ZC3HAV1: variants seen among roughly 807,000 people sequenced by gnomAD.
The protein encoded by ZC3HAV1 is zinc finger CCCH-type antiviral protein 1.
ZC3HAV1 carries 41 observed loss-of-function variants against 86.6 expected under a neutral mutation model. The observed-to-expected ratio is 0.47, with a 90% CI of 0.37 to 0.61. The LOEUF is 0.61. ZC3HAV1 is among the 20% of genes least tolerant of loss of function. ZC3HAV1 has a pLI of 0.00. For synonymous variants in ZC3HAV1, 421 were observed against 432.1 expected, an observed-to-expected ratio of 0.97 and a Z score of 0.32; for missense variants, 964 against 1,141.1, an observed-to-expected ratio of 0.84 and a Z score of 2.24.
At chr7:139,062,661 C>T (rs868312623) in intron 8 of ZC3HAV1, among the ~76,000 whole-genome samples, 20 of 152,346 alleles carry the variant, frequency 1.3e-4, no homozygotes, top group South Asian at 4.1e-4. Flanking sequence ...GCACCCACAA[C>T]AGGAGCCAGT....
chr7:139,066,816 A>C (rs960403495), intron 7 of ZC3HAV1, among the ~76,000 whole-genome samples: 21 of 152,158 alleles, frequency 1.4e-4, no homozygotes, highest in Non-Finnish European at 2.9e-4. Context: ...TCCTGTATGC[A>C]TCCACTGCCT....
rs1222031806 is a variant in ZC3HAV1, at chr7:139,108,847, T to C, written c.308+177A>G. ...GCCGGAAGGAAGGGAACTGCAAAGGTAGAAGCGCGGGCCCTGCAGAGGCTC... is the reference window on the plus strand; with the variant it reads ...GCCGGAAGGAAGGGAACTGCAAAGGCAGAAGCGCGGGCCCTGCAGAGGCTC... On this transcript the variant is annotated intron_variant, in intron 1 of 12. Transcript: ENST00000242351. The surrounding 1 kb of genome is among the most constrained non-coding windows in gnomAD (Gnocchi z 4.2). Among the ~76,000 whole-genome samples, 4 of 152,122 alleles carry C rather than the reference T, an allele frequency of 2.6e-5. No individual in the cohort carries two copies. The highest frequency in any genetic ancestry group is 4.8e-5 in the African/African-American group (2 of 41,438).
rs1205449387 is a variant in ZC3HAV1 at position 139,079,619 on chromosome 7, G to A, written c.1322C>T (p.Ser441Phe). 2 of 1,614,164 alleles carry A rather than the reference G, an allele frequency of 1.2e-6. No homozygotes were observed. Among genetic ancestry groups the A allele is most frequent in the East Asian group, 4.5e-5 (2 of 44,880 alleles). The change falls in exon 4 of 13, where the codon TCT becomes TTT. Residue 441 changes from serine (S) to phenylalanine (F), a missense_variant. Coordinates refer to ENST00000242351, the MANE Select transcript of ZC3HAV1 (RefSeq NM_020119.4). Reference sequence around the variant, plus strand: ...GCTTTTGTAATTTAAGGATCTGGTAGAAGTTATATCTGTGGCCACTCCATC... The same window carrying A: ...GCTTTTGTAATTTAAGGATCTGGTAAAAGTTATATCTGTGGCCACTCCATC... ...NADGVATDITSTRSLNYKSTS... is the reference protein window; with the variant it reads ...NADGVATDITFTRSLNYKSTS...
At position 139,046,731 on chromosome 7, in the gene ZC3HAV1, A is replaced by C. The variant is rs1477120723; in HGVS notation, c.*863T>G. ...CAGCCATGTCTGCAATAGCACTTCA[A>C]TTTTACTTTTTTTTCCCCTAGCATG... is the stretch of plus-strand genomic sequence containing the variant. On this transcript the variant is annotated 3_prime_UTR_variant, in exon 13 of 13. Transcript: ENST00000242351. 1.3e-5 allele frequency: 2 copies of C among 151,500 alleles called. No individual in the cohort carries two copies. Among genetic ancestry groups the C allele is most frequent in the Non-Finnish European group, 1.5e-5 (1 of 68,042 alleles). The allele number at this position is 151,500 out of a possible 1,614,324, so 9.4% of individuals were successfully genotyped here.
intron 12 of ZC3HAV1, among the ~76,000 whole-genome samples, chr7:139,049,155 T>TTGC (rs1816051949): frequency 6.8e-6 from 1 of 146,964 alleles, no homozygotes; most frequent in Non-Finnish European, 1.5e-5. Flanking sequence ...GTTGTTGTTG[T>TTGC]TGTTGCTGCT....
chr7:139,081,322 T>G (rs1307942490), intron 3 of ZC3HAV1, among the ~76,000 whole-genome samples: 1 of 151,886 alleles, frequency 6.6e-6, no homozygotes, highest in African/African-American at 2.4e-5. Flanking sequence ...GAAGAGACAT[T>G]TTTTTTCTCT....
intron 1 of ZC3HAV1, among the ~76,000 whole-genome samples, chr7:139,099,149 CGA>C (rs1563141270): frequency 6.6e-6 from 1 of 151,672 alleles, no homozygotes; most frequent in Non-Finnish European, 1.5e-5. Flanking sequence ...TTGCAGACAC[CGA>C]GAGTCAAATT....
chr7:139,078,580 G>T lies in ZC3HAV1; in HGVS notation c.1545C>A (p.Asp515Glu), dbSNP rs1261015263. ...DDHDSEEICL[D>E]HLCKGCPLNG... Reference sequence around the variant, plus strand: ...TAAGCGGACAACCCTTACACAGATGGTCAAGACAAATTTCCTCTGAGTCAT... The same window carrying T: ...TAAGCGGACAACCCTTACACAGATGTTCAAGACAAATTTCCTCTGAGTCAT... The change falls in exon 5 of 13, where the codon GAC becomes GAA. Residue 515 changes from aspartate (D) to glutamate (E), a missense_variant. Transcript: ENST00000242351. 1.3e-6 allele frequency: 2 copies of T among 1,592,624 alleles called. No homozygotes were observed. Among genetic ancestry groups the T allele is most frequent in the East Asian group, 2.3e-5 (1 of 44,200 alleles).
At chr7:139,093,159 A>G (rs1329796155) in intron 1 of ZC3HAV1, among the ~76,000 whole-genome samples, 1 of 152,198 alleles carries the variant, frequency 6.6e-6, no homozygotes, top group Non-Finnish European at 1.5e-5. Context: ...TAAAATGAGA[A>G]ATCAAAGGTG....
rs1183885767 is a variant in ZC3HAV1 at position 139,097,401 on chromosome 7, CATAT to C, written c.309-7646_309-7643del. Among the ~76,000 whole-genome samples, 135 of 63,850 alleles carry C rather than the reference CATAT, an allele frequency of 2.1e-3. 5 individuals are homozygous for C. The highest frequency in any genetic ancestry group is 4.3e-3 in the East Asian group (7 of 1,624). The allele number at this position is 63,850 out of a possible 152,430, so 41.9% of individuals were successfully genotyped here. ...TGGATGGAAACAAATATTGGAACTC[CATAT>C]ATATATATATATATATATATATATT... On this transcript the variant is annotated intron_variant, in intron 1 of 12. Coordinates refer to ENST00000242351, the MANE Select transcript of ZC3HAV1 (RefSeq NM_020119.4).
chr7:139,060,796 A>G, intron 9 of ZC3HAV1: 13 of 1,379,728 alleles, frequency 9.4e-6, no homozygotes, highest in Non-Finnish European at 1.2e-5. Flanking sequence ...CAGAGTATTT[A>G]GGAGACTCGC....
chr7:139,088,046 AAAAAAAAAAGAAAAAAG>A (rs1333163870), intron 2 of ZC3HAV1, among the ~76,000 whole-genome samples: 1 of 150,158 alleles, frequency 6.7e-6, no homozygotes, highest in Non-Finnish European at 1.5e-5. Flanking sequence ...AAAAAAAAAA[AAAAAAAAAAGAAAAAAG>A]AAAAAAAAAG....
intron 7 of ZC3HAV1, among the ~76,000 whole-genome samples, chr7:139,073,299 C>T (rs1342429571): frequency 6.6e-6 from 1 of 150,942 alleles, no homozygotes; most frequent in African/African-American, 2.4e-5. Flanking sequence ...AACTCCATCT[C>T]AAAAATAAAT....
intron 1 of ZC3HAV1, among the ~76,000 whole-genome samples, chr7:139,096,154 A>T (rs1227261944): frequency 6.6e-6 from 1 of 152,170 alleles, no homozygotes; most frequent in East Asian, 1.9e-4. Context: ...AGCTGGAATT[A>T]TAGGCATGCA....
chr7:139,065,020 A>C (rs766955399), intron 7 of ZC3HAV1, 21 bp from the exon 8 acceptor site: 77 of 1,613,570 alleles, frequency 4.8e-5, no homozygotes, highest in Non-Finnish European at 6.3e-5. Context: ...AAAAAATAAA[A>C]GGTAAAGTCA....
chr7:139,054,193 A>G (rs1211277273), intron 10 of ZC3HAV1, 98 bp from the exon 11 acceptor site: 11 of 1,262,664 alleles, frequency 8.7e-6, no homozygotes, highest in Non-Finnish European at 1.0e-5. Flanking sequence ...TATTGTTACC[A>G]GGGTTCTTTC....
Position 139,108,271 on chromosome 7 carries a change from G to GAA in ZC3HAV1, c.308+751_308+752dup, listed in dbSNP as rs764074617. On this transcript the variant is annotated intron_variant, in intron 1 of 12. Coordinates refer to ENST00000242351, the MANE Select transcript of ZC3HAV1 (RefSeq NM_020119.4). The surrounding 1 kb of genome is among the most constrained non-coding windows in gnomAD (Gnocchi z 4.2). ...CCTTGCAGCGCATCTGCATTTAGACGAAAAAAAAAAAAGGCAAACGGAAAC... is the reference window on the plus strand; with the variant it reads ...CCTTGCAGCGCATCTGCATTTAGACGAAAAAAAAAAAAAAGGCAAACGGAAAC... 7.2e-6 allele frequency among the ~76,000 whole-genome samples: 1 copy of GAA among 138,830 alleles called. No individual in the cohort carries two copies. Among genetic ancestry groups the GAA allele is most frequent in the Admixed American group, 7.2e-5 (1 of 13,820 alleles). The allele number at this position is 138,830 out of a possible 152,430, so 91.1% of individuals were successfully genotyped here.
intron 1 of ZC3HAV1, among the ~76,000 whole-genome samples, chr7:139,095,577 G>A (rs1378290918): frequency 2.0e-5 from 3 of 152,218 alleles, no homozygotes; most frequent in Non-Finnish European, 2.9e-5. Flanking sequence ...GGAAAGCACC[G>A]AGGGCCTTGC....
intron 5 of ZC3HAV1, 40 bp from the exon 6 acceptor site, chr7:139,076,449 G>C: frequency 6.2e-7 from 1 of 1,610,966 alleles, no homozygotes; most frequent in Non-Finnish European, 8.5e-7. Context: ...CTGTTGAGCA[G>C]GGATTCTAAC....
Sources: gnomAD v4.1 joint callset for allele counts (sites outside exome capture counted in the v4.1 genomes callset) on GRCh38, gnomAD v4.1.1 for gene constraint, Gnocchi (gnomAD v3.1) non-coding constraint, MANE v1.5 for transcripts, NCBI Gene and HGNC (gene_info 2026-07-23, HGNC 2026-07-21) for gene names.